Variants in NDE1 observed in about 807,000 individuals in gnomAD.
NDE1 encodes the protein nuclear distribution protein nudE homolog 1.
A neutral mutation model predicts 43.4 loss-of-function variants in NDE1; 28 were observed. The ratio of observed to expected loss-of-function variants is 0.65; its 90% CI spans 0.48 to 0.89. The LOEUF (loss-of-function observed/expected upper bound fraction) is 0.89. Among genes scored for constraint, NDE1 ranks in the 40% least tolerant of loss-of-function variants. The probability of loss-of-function intolerance (pLI) is 0.00; values close to 1 mark genes in which losing one functional copy is unlikely to be tolerated. For synonymous variants in NDE1, 184 were observed against 172.0 expected, an observed-to-expected ratio of 1.07 and a Z score of -0.55; for missense variants, 441 against 434.1, an observed-to-expected ratio of 1.02 and a Z score of -0.14.
intron 3 of NDE1, among the ~76,000 whole-genome samples, chr16:15,676,985 G>A (rs927354309): frequency 2.0e-5 from 3 of 152,076 alleles, no homozygotes; most frequent in Non-Finnish European, 4.4e-5. Context: ...GGACACCTTG[G>A]GTAGAATGAT....
chr16:15,702,292 A>G (rs2151156531), intron 8 of NDE1, among the ~76,000 whole-genome samples: 1 of 152,348 alleles, frequency 6.6e-6, no homozygotes, highest in East Asian at 1.9e-4. Context: ...CCTTACTCTA[A>G]GAATGATTTA....
chr16:15,681,818 A>G (rs1013432188), intron 4 of NDE1, among the ~76,000 whole-genome samples: 2 of 152,026 alleles, frequency 1.3e-5, no homozygotes, highest in African/African-American at 2.4e-5. Context: ...GGTTCAAGCT[A>G]TTCTCCTGCC....
chr16:15,660,010 G>A (rs952516426), intron 1 of NDE1, among the ~76,000 whole-genome samples: 3 of 152,068 alleles, frequency 2.0e-5, no homozygotes, highest in African/African-American at 7.2e-5. Context: ...GCCTCCCAAA[G>A]TGCTGGGATT....
At chr16:15,699,501 A>G in intron 8 of NDE1, 1 of 1,123,466 alleles carries the variant, frequency 8.9e-7, no homozygotes, top group Non-Finnish European at 1.1e-6. Flanking sequence ...ACAATAGGTA[A>G]GAGATGGATT....
At chr16:15,714,601 A>G (rs1453575642) in intron 8 of NDE1, 3 of 510,944 alleles carry the variant, frequency 5.9e-6, no homozygotes, top group African/African-American at 3.8e-5. Flanking sequence ...CAGTGATGCA[A>G]TGAAGGAGGG....
intron 8 of NDE1, among the ~76,000 whole-genome samples, chr16:15,704,371 G>T (rs1416395095): frequency 6.6e-6 from 1 of 152,080 alleles, no homozygotes; most frequent in Non-Finnish European, 1.5e-5. Flanking sequence ...GGGTGGAGAA[G>T]GTTTTTCAAA....
chr16:15,667,230 A>G (rs2151442853), intron 2 of NDE1, 56 bp from the exon 3 acceptor site: 1 of 1,594,946 alleles, frequency 6.3e-7, no homozygotes, highest in South Asian at 1.1e-5. Context: ...TGGGTGATAG[A>G]GCGAGACTCT....
intron 8 of NDE1, chr16:15,720,855 C>T (rs1237673081): frequency 1.9e-6 from 3 of 1,613,768 alleles, no homozygotes; most frequent in South Asian, 2.2e-5. Flanking sequence ...CTGCAGTTGC[C>T]TCCTCTTCTC....
intron 3 of NDE1, chr16:15,672,609 T>C (rs2037652606): frequency 6.6e-6 from 1 of 152,238 alleles, no homozygotes; most frequent in Non-Finnish European, 1.5e-5. Flanking sequence ...CATCTATTGA[T>C]GCCCCCATCA....
intron 4 of NDE1, among the ~76,000 whole-genome samples, chr16:15,685,431 T>G (rs1640614739): frequency 6.6e-6 from 1 of 152,044 alleles, no homozygotes; most frequent in Non-Finnish European, 1.5e-5. Flanking sequence ...TTTTACTTTT[T>G]GTAGAGACAG....
intron 8 of NDE1, chr16:15,704,256 C>T: frequency 1.0e-6 from 1 of 969,084 alleles, no homozygotes; most frequent in Non-Finnish European, 1.6e-6. Flanking sequence ...AGAAAACACA[C>T]ACGGCACAAA....
At chr16:15,672,398 C>T (rs1436928219) in intron 3 of NDE1, among the ~76,000 whole-genome samples, 1 of 152,146 alleles carries the variant, frequency 6.6e-6, no homozygotes, top group African/African-American at 2.4e-5. Flanking sequence ...CGCCACTGTA[C>T]TGCAGCCACA....
rs369969369 is a variant in NDE1 at position 15,717,330 on chromosome 16, C to T, written c.948-6861C>T. On this transcript the variant is annotated intron_variant, in intron 8 of 8. Coordinates refer to ENST00000396354, the MANE Select transcript of NDE1 (RefSeq NM_017668.3). ...GCCGTGCTGCGCTCTGTGGCCAGCT[C>T]GTTGCTGAGCTGCTCGGCCTGGGGA... 2 of 1,608,912 alleles carry T rather than the reference C, an allele frequency of 1.2e-6. No homozygotes were observed. Among genetic ancestry groups the T allele is most frequent in the Non-Finnish European group, 8.5e-7 (1 of 1,180,004 alleles).
intron 8 of NDE1, chr16:15,714,838 A>G: frequency 1.3e-6 from 2 of 1,590,984 alleles, no homozygotes; most frequent in East Asian, 2.2e-5. Flanking sequence ...TGCAGGCCGA[A>G]AGGAGCCCGA....
At chr16:15,675,895 A>G (rs1407969143) in intron 3 of NDE1, among the ~76,000 whole-genome samples, 5 of 152,134 alleles carry the variant, frequency 3.3e-5, no homozygotes, top group Admixed American at 1.3e-4. Flanking sequence ...GTCATTTGCT[A>G]CCAGTTGATT....
At chr16:15,644,160 T>C (rs557781263) in intron 1 of NDE1, among the ~76,000 whole-genome samples, 2 of 152,344 alleles carry the variant, frequency 1.3e-5, no homozygotes, top group South Asian at 4.1e-4. Context: ...TAGGATGTGC[T>C]AGCTGCTAGC....
At chr16:15,659,314 G>A (rs2036925702) in intron 1 of NDE1, among the ~76,000 whole-genome samples, 2 of 141,736 alleles carry the variant, frequency 1.4e-5, no homozygotes, top group East Asian at 2.1e-4. Flanking sequence ...AAACTATATA[G>A]CTTGTTGGTT....
chr16:15,695,659 T>C, intron 7 of NDE1: 5 of 985,388 alleles, frequency 5.1e-6, no homozygotes, highest in Non-Finnish European at 4.8e-6. Context: ...ATAATTTAAC[T>C]CCTACCAAGT....
At position 15,714,681 on chromosome 16, in the gene NDE1, C is replaced by G. The variant is rs1156617406; in HGVS notation, c.948-9510C>G. The G allele has an allele frequency of 3.3e-5, 20 of 614,074 alleles. No homozygotes were observed. In the South Asian group the frequency reaches 3.7e-4, roughly 11 times the overall value. 38.0% of individuals were successfully genotyped at this position (614,074 alleles called of 1,614,324 possible). ...GAGGACCGGATGGGAGACGGTCGAT[C>G]GTTAAAGGATCTAGAAGGTTAGCTG... On this transcript the variant is annotated intron_variant, in intron 8 of 8. Transcript: ENST00000396354.
Sources: allele counts gnomAD v4.1 joint callset (sites outside exome capture counted in the v4.1 genomes callset), GRCh38; gene constraint gnomAD v4.1.1; transcripts MANE v1.5; gene names NCBI Gene and HGNC (gene_info 2026-07-23, HGNC 2026-07-21).